The following WFDC1 variants were observed in gnomAD, a reference collection of about 807,000 sequenced individuals.
WFDC1 encodes WAP four-disulfide core domain protein 1.
In WFDC1, 39 loss-of-function variants were observed where a neutral mutation model predicts 32.9. That is an observed-to-expected ratio of 1.19 (90% CI 0.92 to 1.55). The LOEUF is 1.55. Among genes scored for constraint, WFDC1 ranks in the 40% most tolerant of loss-of-function variants. WFDC1 has a pLI of 0.00. For synonymous variants in WFDC1, 184 were observed against 137.4 expected, an observed-to-expected ratio of 1.34 and a Z score of -2.37; for missense variants, 386 against 309.5, an observed-to-expected ratio of 1.25 and a Z score of -1.85.
At chr16:84,318,197 G>A in intron 2 of WFDC1, 75 bp from the exon 3 acceptor site, 1 of 1,427,324 alleles carries the variant, frequency 7.0e-7, no homozygotes, top group Non-Finnish European at 9.9e-7. Context: ...TGAAGTTGGG[G>A]TGCCCCCAGC....
rs561720993 is a variant in WFDC1, at chr16:84,312,972, G to T, written c.156G>T (p.Ala52=). 2.6e-6 allele frequency: 3 copies of T among 1,163,890 alleles called. No individual in the cohort carries two copies. The highest frequency in any genetic ancestry group is 1.6e-5 in the African/African-American group (1 of 61,698). The allele number at this position is 1,163,890 out of a possible 1,614,324, so 72.1% of individuals were successfully genotyped here. The change falls in exon 2 of 7, where the codon GCG becomes GCT. Residue 52 remains alanine, a synonymous_variant. Coordinates refer to ENST00000219454, the MANE Select transcript of WFDC1 (RefSeq NM_021197.4). ...CCCTCTCCCCGCAGGCCGAGGAGGC[G>T]GGCGCGCCCGGCGGCCCCCGGCAGC... ...RLAEKSRAEE[A]GAPGGPRQPR...
In WFDC1 at chr16:84,311,384, A is replaced by ATTTTTTTTTTTTTTTT. The variant is rs747950638; in HGVS notation, c.145-1569_145-1568insTTTTTTTTTTTTTTTT. On this transcript the variant is annotated intron_variant, in intron 1 of 6. Coordinates refer to ENST00000219454, the MANE Select transcript of WFDC1 (RefSeq NM_021197.4). ...AGGTGCTCGCCACCACGCCCGGCTA[A>ATTTTTTTTTTTTTTTT]TTTTTTTTCTTTTTTTTGTATTTTT... Among the ~76,000 whole-genome samples the ATTTTTTTTTTTTTTTT allele has an allele frequency of 2.6e-3, 305 of 118,170 alleles. 2 individuals are homozygous for ATTTTTTTTTTTTTTTT. The highest frequency in any genetic ancestry group is 9.0e-3 in the East Asian group (31 of 3,428). 77.5% of individuals were successfully genotyped at this position (118,170 alleles called of 152,430 possible).
intron 1 of WFDC1, among the ~76,000 whole-genome samples, chr16:84,312,264 C>G (rs567199494): frequency 2.9e-4 from 44 of 152,276 alleles, no homozygotes; most frequent in African/African-American, 9.6e-4. Context: ...CACCATGTAA[C>G]CAGCCCCCAG....
chr16:84,322,465 T>C (rs1238700374), intron 4 of WFDC1, among the ~76,000 whole-genome samples: 1 of 152,210 alleles, frequency 6.6e-6, no homozygotes, highest in African/African-American at 2.4e-5. Context: ...TTCAGACTTA[T>C]AAAAATGTTG....
Position 84,319,586 on chromosome 16 carries a change from C to T in WFDC1, c.562+15C>T. ...CCGGCAAGCAGGTGAGTGTGGCACC[C>T]CAGCCCTGATCCTGGCTCCTGCCCC... On this transcript the variant is annotated intron_variant, in intron 4 of 6. Transcript: ENST00000219454. The T allele has an allele frequency of 6.2e-7, 1 of 1,610,176 alleles. No homozygotes were observed. The highest frequency in any genetic ancestry group is 1.3e-5 in the African/African-American group (1 of 75,018).
At chr16:84,319,410 C>T (rs1209459657) in intron 3 of WFDC1, 21 bp from the exon 4 acceptor site, 1 of 1,606,338 alleles carries the variant, frequency 6.2e-7, no homozygotes, top group Non-Finnish European at 8.5e-7. Flanking sequence ...TTCTAGACCC[C>T]AGCGTGTGTC....
intron 1 of WFDC1, among the ~76,000 whole-genome samples, chr16:84,306,334 G>C (rs1907255840): frequency 6.6e-6 from 1 of 152,126 alleles, no homozygotes; most frequent in Non-Finnish European, 1.5e-5. Context: ...TCCATCTTGG[G>C]ATATGGCTCC....
intron 1 of WFDC1, among the ~76,000 whole-genome samples, chr16:84,298,669 C>T (rs1382053662): frequency 1.3e-5 from 2 of 152,170 alleles, no homozygotes; most frequent in Non-Finnish European, 2.9e-5. Context: ...CTGTAGCCTG[C>T]TCTAGTCTCT....
chr16:84,321,296 C>G (rs74781220), intron 4 of WFDC1, among the ~76,000 whole-genome samples: 3,289 of 152,298 alleles, frequency 0.022, 76 homozygotes, highest in African/African-American at 0.061. Context: ...GCACAGTAAA[C>G]AACCTTCACT....
At position 84,312,908 on chromosome 16, in the gene WFDC1, G is replaced by T. The variant is rs1056187616; in HGVS notation, c.145-53G>T. On this transcript the variant is annotated intron_variant, in intron 1 of 6. Transcript: ENST00000219454. ...CACCCCCTTGCAAGCTCCGGGTGGC[G>T]CCGGGACTCGAACGCGCGCCCCAGA... The T allele has an allele frequency of 6.4e-6, 7 of 1,100,424 alleles. No individual in the cohort carries two copies. In the African/African-American group the frequency reaches 6.6e-5, roughly 10 times the overall value. 68.2% of individuals were successfully genotyped at this position (1,100,424 alleles called of 1,614,324 possible).
At chr16:84,322,605 C>T (rs1908373222) in intron 4 of WFDC1, among the ~76,000 whole-genome samples, 1 of 152,188 alleles carries the variant, frequency 6.6e-6, no homozygotes, top group Non-Finnish European at 1.5e-5. Flanking sequence ...TGAGAGTAAG[C>T]GACAGGCCCT....
At chr16:84,318,724 A>G (rs1908111208) in intron 3 of WFDC1, 2 of 248,712 alleles carry the variant, frequency 8.0e-6, no homozygotes, top group African/African-American at 2.2e-5. Context: ...GGCAGAGGGC[A>G]ATTTCTGGAA....
At position 84,326,789 on chromosome 16, in the gene WFDC1, C is replaced by G. The variant is rs186511878; in HGVS notation, c.605-93C>G. On this transcript the variant is annotated intron_variant, in intron 5 of 6. Coordinates refer to ENST00000219454, the MANE Select transcript of WFDC1 (RefSeq NM_021197.4). ...GGGGAGGGAGGAGAGGGCCAGGTCA[C>G]CAGGCTTCATTTGGCAGTTCCTGGT... is the stretch of plus-strand genomic sequence containing the variant. 8.3e-4 allele frequency: 1,254 copies of G among 1,513,282 alleles called. 9 individuals carry two copies. The African/African-American group carries it at 0.015, about 18-fold the overall frequency. The allele number at this position is 1,513,282 out of a possible 1,614,324, so 93.7% of individuals were successfully genotyped here.
chr16:84,306,025 TAATAATAA>T (rs1455200896), intron 1 of WFDC1, among the ~76,000 whole-genome samples: 3 of 81,026 alleles, frequency 3.7e-5, no homozygotes, highest in Admixed American at 1.8e-4. Context: ...ATAATAATAA[TAATAATAA>T]TAATAATAAT....
intron 1 of WFDC1, among the ~76,000 whole-genome samples, chr16:84,297,928 A>G (rs905574695): frequency 6.6e-6 from 1 of 152,028 alleles, no homozygotes; most frequent in Non-Finnish European, 1.5e-5. Context: ...CCCGTGAGGC[A>G]CCACTCCCTC....
chr16:84,298,689 G>A (rs975014720), intron 1 of WFDC1, among the ~76,000 whole-genome samples: 3 of 152,186 alleles, frequency 2.0e-5, no homozygotes, highest in Non-Finnish European at 2.9e-5. Context: ...TCAAAGCCTC[G>A]TCCCCCGGCA....
chr16:84,320,520 T>C (rs915605825), intron 4 of WFDC1, among the ~76,000 whole-genome samples: 2 of 152,220 alleles, frequency 1.3e-5, no homozygotes, highest in African/African-American at 4.8e-5. Context: ...ATTGGCATAA[T>C]TTTCCCAAGA....
intron 1 of WFDC1, among the ~76,000 whole-genome samples, chr16:84,302,233 A>G (rs1004777328): frequency 6.6e-6 from 1 of 152,132 alleles, no homozygotes; most frequent in Admixed American, 6.5e-5. Context: ...CAGCTGTCTG[A>G]TGAGAACAGA....
At chr16:84,295,560 G>A (rs936084288) in intron 1 of WFDC1, 4 of 196,814 alleles carry the variant, frequency 2.0e-5, no homozygotes, top group African/African-American at 4.6e-5. Context: ...AGCAGAAACC[G>A]CTCTGGGGAA....
Sources: allele counts gnomAD v4.1 joint callset (sites outside exome capture counted in the v4.1 genomes callset), GRCh38; gene constraint gnomAD v4.1.1; transcripts MANE v1.5; gene names NCBI Gene and HGNC (gene_info 2026-07-23, HGNC 2026-07-21).